TSPAN18: variants seen among roughly 807,000 people sequenced by gnomAD.
The protein encoded by TSPAN18 is tetraspanin-18.
TSPAN18 carries 14 observed loss-of-function variants against 27.3 expected under a neutral mutation model. That is an observed-to-expected ratio of 0.51 (90% confidence interval 0.34 to 0.80). TSPAN18 has a LOEUF of 0.80. Ranked by LOEUF, TSPAN18 falls within the 30% of genes least tolerant of loss-of-function variation. The pLI is 0.01. For missense variants in TSPAN18, 268 were observed against 323.9 expected (o/e 0.83, Z 1.32); for synonymous variants, 143 against 136.5 (o/e 1.05, Z -0.33).
At position 44,842,698 on chromosome 11, in the gene TSPAN18, T is replaced by C. The variant is rs572051861; in HGVS notation, c.-152-17630T>C. Among the ~76,000 whole-genome samples the C allele has an allele frequency of 2.0e-5, 3 of 152,302 alleles. No homozygotes were observed. The South Asian group carries it at 6.2e-4, about 32-fold the overall frequency. ...CCAGGCTCTGAGAATTATAAAATGA[T>C]AGAGCTGGTAGGCCTTAGCAATGGC... On this transcript the variant is annotated intron_variant, in intron 2 of 9. Transcript: ENST00000520358.
At chr11:44,903,478 T>C (rs540620342) in intron 3 of TSPAN18, 3 of 456,342 alleles carry the variant, frequency 6.6e-6, no homozygotes, top group Admixed American at 2.3e-5. Flanking sequence ...CCTGTAGAGG[T>C]TGGGTTCCAG....
At chr11:44,887,911 G>A (rs7943069) in intron 3 of TSPAN18, among the ~76,000 whole-genome samples, 4,460 of 152,224 alleles carry the variant, frequency 0.029, 198 homozygotes, top group East Asian at 0.099. Context: ...GGGCAGTGTG[G>A]TGGGCCAGGT....
chr11:44,745,600 G>A (rs1855053057), intron 1 of TSPAN18, among the ~76,000 whole-genome samples: 3 of 152,166 alleles, frequency 2.0e-5, no homozygotes, highest in African/African-American at 7.2e-5. Context: ...CTGGGTGCTG[G>A]TGTGTTCATC....
chr11:44,803,418 A>T (rs1856525767), intron 2 of TSPAN18, among the ~76,000 whole-genome samples: 2 of 152,224 alleles, frequency 1.3e-5, no homozygotes, highest in Admixed American at 6.5e-5. Flanking sequence ...GTAGGGAAAC[A>T]TTAAATCAGA....
chr11:44,902,877 T>C (rs1859313502), intron 3 of TSPAN18, among the ~76,000 whole-genome samples: 2 of 152,176 alleles, frequency 1.3e-5, no homozygotes, highest in Admixed American at 1.3e-4. Flanking sequence ...ACTGTGGGTT[T>C]GAATCCTTGT....
intron 2 of TSPAN18, among the ~76,000 whole-genome samples, chr11:44,813,022 C>T (rs149074301): frequency 1.1e-3 from 167 of 152,058 alleles, no homozygotes; most frequent in African/African-American, 3.9e-3. Flanking sequence ...CCACCCATAA[C>T]CCTCACCTTG....
At chr11:44,917,208 G>C (rs556806087) in intron 5 of TSPAN18, among the ~76,000 whole-genome samples, 97 of 152,328 alleles carry the variant, frequency 6.4e-4, no homozygotes, top group African/African-American at 2.3e-3. Flanking sequence ...AGTCAGGAAA[G>C]GCTTCTCACC....
At chr11:44,739,876 C>T (rs758091999) in intron 1 of TSPAN18, among the ~76,000 whole-genome samples, 6 of 152,138 alleles carry the variant, frequency 3.9e-5, no homozygotes, top group Non-Finnish European at 7.4e-5. Flanking sequence ...AGCTATTCAC[C>T]GAAGCCATGG....
chr11:44,926,844 C>T (rs1012921136), intron 9 of TSPAN18, 87 bp downstream of exon 9: 11 of 1,468,962 alleles, frequency 7.5e-6, no homozygotes, highest in Non-Finnish European at 1.0e-5. Flanking sequence ...CTTTCCTCTT[C>T]ATTTCCTTCA....
rs113469025 is a variant in TSPAN18, at chr11:44,913,066, G to C, written c.258+3167G>C. 3.4e-3 allele frequency among the ~76,000 whole-genome samples: 525 copies of C among 152,344 alleles called. 7 individuals are homozygous for C. The highest frequency in any genetic ancestry group is 0.012 in the African/African-American group (494 of 41,574). ...GGCTGAACCTGGACCTAACTGTGTG[G>C]TGGTTCCAACCGAAGAGGGCATGGA... On this transcript the variant is annotated intron_variant, in intron 5 of 9. Transcript: ENST00000520358.
chr11:44,909,020 G>A (rs1245621090), intron 4 of TSPAN18, among the ~76,000 whole-genome samples: 3 of 152,068 alleles, frequency 2.0e-5, no homozygotes, highest in African/African-American at 7.2e-5. Flanking sequence ...TCTAGACTAC[G>A]CTGCCTCTTT....
At chr11:44,794,883 C>T (rs1856313139) in intron 2 of TSPAN18, among the ~76,000 whole-genome samples, 1 of 152,190 alleles carries the variant, frequency 6.6e-6, no homozygotes, top group African/African-American at 2.4e-5. Context: ...GTGCTCAGCA[C>T]AGTGCCTACT....
chr11:44,758,889 C>T (rs969782040), intron 1 of TSPAN18, among the ~76,000 whole-genome samples: 2 of 152,184 alleles, frequency 1.3e-5, no homozygotes, highest in Non-Finnish European at 2.9e-5. Context: ...GCTGGGGGCT[C>T]CTCATCTCCT....
At chr11:44,807,326 C>T (rs1484056479) in intron 2 of TSPAN18, among the ~76,000 whole-genome samples, 1 of 148,574 alleles carries the variant, frequency 6.7e-6, no homozygotes, top group East Asian at 2.0e-4. Context: ...GTCAGGAGTT[C>T]GAGGCCAGCC....
rs540462787 is a variant in TSPAN18 at position 44,787,931 on chromosome 11, C to T, written c.-153+23419C>T. Among the ~76,000 whole-genome samples the T allele has an allele frequency of 5.3e-5, 8 of 152,328 alleles. No individual in the cohort carries two copies. The South Asian group carries it at 1.7e-3, about 32-fold the overall frequency. On this transcript the variant is annotated intron_variant, in intron 2 of 9. Transcript: ENST00000520358. ...GTTACAACACAGGCAGACAGTCACA[C>T]TGGCTTCTGTTCACTGTGGACCTAC...
intron 3 of TSPAN18, among the ~76,000 whole-genome samples, chr11:44,870,721 T>C (rs533479196): frequency 6.6e-6 from 1 of 152,308 alleles, no homozygotes; most frequent in South Asian, 2.1e-4. Flanking sequence ...TTACCCACAG[T>C]CACACAGAGG....
intron 8 of TSPAN18, among the ~76,000 whole-genome samples, chr11:44,922,040 C>T (rs1157221092): frequency 2.0e-5 from 3 of 152,026 alleles, no homozygotes; most frequent in Non-Finnish European, 2.9e-5. Context: ...CATTTCGTCC[C>T]GTTAAAAATC....
intron 2 of TSPAN18, among the ~76,000 whole-genome samples, chr11:44,835,070 C>T (rs918385008): frequency 2.0e-5 from 3 of 152,178 alleles, no homozygotes; most frequent in Non-Finnish European, 4.4e-5. Flanking sequence ...TGGAATCTTC[C>T]GGGCACCTCT....
At chr11:44,847,547 C>T (rs1857510313) in intron 2 of TSPAN18, among the ~76,000 whole-genome samples, 1 of 152,210 alleles carries the variant, frequency 6.6e-6, no homozygotes, top group Admixed American at 6.5e-5. Flanking sequence ...ATCCATTCAT[C>T]TGTTGATGGG....
Sources: gnomAD v4.1 joint callset for allele counts (sites outside exome capture counted in the v4.1 genomes callset) on GRCh38, gnomAD v4.1.1 for gene constraint, MANE v1.5 for transcripts, NCBI Gene and HGNC (gene_info 2026-07-23, HGNC 2026-07-21) for gene names.